Variants in LRRIQ1 observed in about 807,000 individuals in gnomAD.
LRRIQ1 encodes the protein leucine-rich repeat- and IQ domain-containing protein 1.
A neutral mutation model predicts 211.9 loss-of-function variants in LRRIQ1; 210 were observed. The ratio of observed to expected loss-of-function variants is 0.99; its 90% CI spans 0.89 to 1.11. LRRIQ1 has a LOEUF of 1.11. LRRIQ1 is among the 50% of genes most tolerant of loss of function. The pLI is 0.00. For missense variants in LRRIQ1, 2,136 were observed against 1,939.5 expected (o/e 1.10, Z -1.90); for synonymous variants, 699 against 650.1 (o/e 1.08, Z -1.14).
intron 15 of LRRIQ1, among the ~76,000 whole-genome samples, chr12:85,111,974 T>A (rs1350791294): frequency 3.3e-5 from 5 of 151,502 alleles, no homozygotes; most frequent in African/African-American, 4.8e-5. Context: ...ACACACTCTC[T>A]CTCTCAATTC....
intron 11 of LRRIQ1, among the ~76,000 whole-genome samples, chr12:85,089,838 A>C (rs1329954269): frequency 6.6e-6 from 1 of 152,200 alleles, no homozygotes; most frequent in African/African-American, 2.4e-5. Context: ...GGGGGGAGTA[A>C]TTAAAGCAGG....
At chr12:85,112,921 C>T (rs974947449) in intron 15 of LRRIQ1, among the ~76,000 whole-genome samples, 2 of 152,092 alleles carry the variant, frequency 1.3e-5, no homozygotes, top group African/African-American at 4.8e-5. Flanking sequence ...AAGCTTATGG[C>T]TTCCCTCTTG....
At chr12:85,097,043 A>G (rs149598124) in intron 11 of LRRIQ1, among the ~76,000 whole-genome samples, 1 of 152,174 alleles carries the variant, frequency 6.6e-6, no homozygotes, top group East Asian at 1.9e-4. Flanking sequence ...TTGAGCCTAT[A>G]TGTTTTGTTA....
At chr12:85,238,966 G>C (rs561506078) in intron 26 of LRRIQ1, among the ~76,000 whole-genome samples, 1 of 152,042 alleles carries the variant, frequency 6.6e-6, no homozygotes, top group South Asian at 2.1e-4. Context: ...CTAAATATTA[G>C]CAATAAAGTT....
At chr12:85,242,166 A>C (rs1895492423) in intron 26 of LRRIQ1, among the ~76,000 whole-genome samples, 1 of 151,564 alleles carries the variant, frequency 6.6e-6, no homozygotes, top group Non-Finnish European at 1.5e-5. Flanking sequence ...ACTTGAGATT[A>C]TTATATTATA....
intron 24 of LRRIQ1, among the ~76,000 whole-genome samples, chr12:85,174,557 C>T (rs1038976939): frequency 8.6e-5 from 13 of 150,650 alleles, no homozygotes; most frequent in African/African-American, 3.2e-4. Context: ...AAAAAAATAG[C>T]TGGGCATGCT....
chr12:85,167,574 C>A (rs1342387846), intron 24 of LRRIQ1, among the ~76,000 whole-genome samples: 2 of 152,178 alleles, frequency 1.3e-5, no homozygotes, highest in South Asian at 4.1e-4. Flanking sequence ...GAAGACTCAG[C>A]AAGTCTCTCT....
In LRRIQ1 at chr12:85,160,602, G is replaced by T. The variant is rs748329438; in HGVS notation, c.4721-11G>T. The T allele has an allele frequency of 6.5e-7, 1 of 1,541,222 alleles. No homozygotes were observed. Among genetic ancestry groups the T allele is most frequent in the Non-Finnish European group, 8.9e-7 (1 of 1,117,592 alleles). On this transcript the variant is annotated splice_polypyrimidine_tract_variant and intron_variant, in intron 23 of 26. Coordinates refer to ENST00000393217, the MANE Select transcript of LRRIQ1 (RefSeq NM_001079910.2). ...GATGAACTCTGCTCCTTTCTTATTC[G>T]TTTTGTTTAGATTCCACTGTGCGTC...
chr12:85,204,038 C>T (rs1307284459), intron 24 of LRRIQ1, among the ~76,000 whole-genome samples: 1 of 152,144 alleles, frequency 6.6e-6, no homozygotes, highest in East Asian at 1.9e-4. Flanking sequence ...GGGCTGGGCC[C>T]AAGGTCCCAA....
intron 24 of LRRIQ1, among the ~76,000 whole-genome samples, chr12:85,174,722 A>AAAAAAAAAAAAT (rs1406032155): frequency 6.7e-6 from 1 of 150,030 alleles, no homozygotes; most frequent in Non-Finnish European, 1.5e-5. Context: ...AAAAAAAAAA[A>AAAAAAAAAAAAT]ATCTGAGATC....
intron 24 of LRRIQ1, chr12:85,162,620 G>A (rs1209455953): frequency 2.6e-6 from 1 of 378,084 alleles, no homozygotes; most frequent in Non-Finnish European, 5.1e-6. Flanking sequence ...TGTATGATAT[G>A]TTTATTGAAT....
chr12:85,106,549 A>C lies in LRRIQ1; in HGVS notation c.3311A>C (p.Asp1104Ala), dbSNP rs752438513. ...SDLKSAIKWF[D>A]ACYSLHELSL... ...CTTAAAAGTGCCATAAAATGGTTTGATGCATGCTATTCTCTCCATGAATTG... is the reference window on the plus strand; with the variant it reads ...CTTAAAAGTGCCATAAAATGGTTTGCTGCATGCTATTCTCTCCATGAATTG... The change falls in exon 15 of 27, where the codon GAT (aspartate) becomes GCT (alanine). Residue 1104 changes from aspartate to alanine, a missense_variant. Asp to Ala is a moderately radical substitution (Grantham distance 126, BLOSUM62 -2). Transcript: ENST00000393217. 7.4e-6 allele frequency: 12 copies of C among 1,611,490 alleles called. No individual in the cohort carries two copies. The South Asian group carries it at 1.3e-4, about 18-fold the overall frequency.
intron 15 of LRRIQ1, among the ~76,000 whole-genome samples, chr12:85,119,673 G>C (rs1339570299): frequency 6.6e-6 from 1 of 152,068 alleles, no homozygotes; most frequent in Admixed American, 6.6e-5. Context: ...CCAGCATTTG[G>C]TATTGTCAGT....
chr12:85,198,043 A>T (rs1371642861), intron 24 of LRRIQ1, among the ~76,000 whole-genome samples: 3 of 50,862 alleles, frequency 5.9e-5, no homozygotes, highest in African/African-American at 2.5e-4. Flanking sequence ...CATATATAAT[A>T]TATTATATAA....
chr12:85,233,035 A>G, intron 26 of LRRIQ1: 1 of 318,614 alleles, frequency 3.1e-6, no homozygotes, highest in Non-Finnish European at 5.7e-6. Flanking sequence ...TGGAAAATTG[A>G]AACTTTTTTC....
intron 6 of LRRIQ1, 143 bp downstream of exon 6, chr12:85,047,613 A>C: frequency 1.4e-5 from 9 of 651,258 alleles, no homozygotes; most frequent in Middle Eastern, 4.3e-4. Context: ...ACTGTGAATT[A>C]ACAGTATTTA....
chr12:85,072,956 C>T lies in LRRIQ1; in HGVS notation c.2745C>T (p.Cys915=), dbSNP rs778883547. ...EEKLVDNAGF[C]HHLGTSTSYL... The stretch of plus-strand genomic sequence containing the variant: ...AACTTGTTGACAATGCAGGGTTCTG[C>T]CATCACTTGGGCACCTCCACTTCTT... The change falls in exon 11 of 27, where the codon TGC becomes TGT. Residue 915 remains cysteine, a synonymous_variant. Coordinates refer to ENST00000393217, the MANE Select transcript of LRRIQ1 (RefSeq NM_001079910.2). 6.2e-7 allele frequency: 1 copy of T among 1,612,276 alleles called. No homozygotes were observed. Among genetic ancestry groups the T allele is most frequent in the Non-Finnish European group, 8.5e-7 (1 of 1,179,104 alleles).
At chr12:85,069,120 G>A (rs1470044266) in intron 10 of LRRIQ1, among the ~76,000 whole-genome samples, 1 of 123,232 alleles carries the variant, frequency 8.1e-6, no homozygotes, top group Non-Finnish European at 1.6e-5. Flanking sequence ...TCCCCGGTAT[G>A]TGATGTTCCC....
chr12:85,114,279 C>G (rs1003822017), intron 15 of LRRIQ1, among the ~76,000 whole-genome samples: 1 of 151,810 alleles, frequency 6.6e-6, no homozygotes, highest in Non-Finnish European at 1.5e-5. Flanking sequence ...ACGGGCCAAG[C>G]CTAGATGACA....
Sources: allele counts gnomAD v4.1 joint callset (sites outside exome capture counted in the v4.1 genomes callset), GRCh38; gene constraint gnomAD v4.1.1; transcripts MANE v1.5; gene names NCBI Gene and HGNC (gene_info 2026-07-23, HGNC 2026-07-21).